The following OCRL variants were observed in gnomAD, a reference collection of about 807,000 sequenced individuals.
OCRL encodes the protein inositol polyphosphate 5-phosphatase OCRL.
Under a neutral mutation model 78.9 loss-of-function variants are expected in OCRL, and 8 were observed. The ratio of observed to expected loss-of-function variants is 0.10; its 90% confidence interval spans 0.06 to 0.18. OCRL has a LOEUF of 0.18. Ranked by LOEUF, OCRL falls within the 10% of genes least tolerant of loss-of-function variation. The pLI is 1.00. For synonymous variants in OCRL, 240 were observed against 235.4 expected (o/e 1.02, Z -0.18); for missense variants, 454 against 696.7 (o/e 0.65, Z 3.92).
chrX:129,582,988 A>G (rs775732921), intron 18 of OCRL, among the ~76,000 whole-genome samples: 18 of 112,055 alleles, frequency 1.6e-4, no homozygotes, highest in Middle Eastern at 4.6e-3. Context: ...GTCCATAGTC[A>G]GATTCGAAAC....
intron 18 of OCRL, among the ~76,000 whole-genome samples, chrX:129,578,451 T>TG (rs1364681259): frequency 9.2e-6 from 1 of 109,282 alleles, no homozygotes; most frequent in African/African-American, 3.3e-5. Context: ...CTTCTTGTTT[T>TG]TTTTTTTTTT....
chrX:129,548,685 C>T (rs1935922324), intron 4 of OCRL, 84 bp downstream of exon 4: 1 of 831,584 alleles, frequency 1.2e-6, no homozygotes, highest in Non-Finnish European at 1.8e-6. Context: ...CCTTTTGGGG[C>T]ACATTTTTTA....
chrX:129,543,910 A>G (rs1935842959), intron 2 of OCRL, among the ~76,000 whole-genome samples: 4 of 112,264 alleles, frequency 3.6e-5, no homozygotes, highest in Admixed American at 9.5e-5. Flanking sequence ...AAAACTGAAT[A>G]TGATCTGGTC....
At chrX:129,556,506 G>A (rs968769144) in intron 4 of OCRL, among the ~76,000 whole-genome samples, 27 of 111,898 alleles carry the variant, frequency 2.4e-4, no homozygotes, top group African/African-American at 7.5e-4. Flanking sequence ...AGAAAACAAC[G>A]TATGTAATAA....
chrX:129,544,422 T>C (rs1392395842), intron 2 of OCRL, among the ~76,000 whole-genome samples: 1 of 111,627 alleles, frequency 9.0e-6, no homozygotes, highest in Non-Finnish European at 1.9e-5. Context: ...TCCAGCTGGC[T>C]GAGCACCCCC....
intron 4 of OCRL, among the ~76,000 whole-genome samples, chrX:129,549,292 G>A: frequency 8.9e-6 from 1 of 111,848 alleles, no homozygotes; most frequent in South Asian, 3.7e-4. Context: ...ATGGAGTGGA[G>A]AAAATGGGCA....
intron 14 of OCRL, among the ~76,000 whole-genome samples, chrX:129,568,055 A>C (rs1343002146): frequency 9.1e-6 from 1 of 110,337 alleles, no homozygotes; most frequent in Non-Finnish European, 1.9e-5. Flanking sequence ...CTGGGACTAC[A>C]GGCGCCCGCC....
intron 18 of OCRL, among the ~76,000 whole-genome samples, chrX:129,579,339 T>C (rs1445518075): frequency 9.0e-6 from 1 of 111,700 alleles, no homozygotes; most frequent in African/African-American, 3.3e-5. Context: ...ATGTTTTTTT[T>C]CCCCAAGACC....
At chrX:129,575,597 A>C in intron 16 of OCRL, 2 of 393,427 alleles carry the variant, frequency 5.1e-6, no homozygotes, top group Non-Finnish European at 4.4e-6. Context: ...ATATCTCAGA[A>C]ACCAGGACTT....
chrX:129,540,447 C>T lies in OCRL; in HGVS notation c.8C>T (p.Pro3Leu). The T allele has an allele frequency of 1.7e-6, 2 of 1,154,376 alleles. No homozygotes were observed. The highest frequency in any genetic ancestry group is 1.1e-6 in the Non-Finnish European group (1 of 871,008). The change falls in exon 1 of 24, where the codon CCG (proline) becomes CTG (leucine). Residue 3 changes from proline (P) to leucine (L), a missense_variant. Transcript: ENST00000371113. The part of the protein sequence containing the change: ME[P>L]PLPVGAQPLA... ...AGCCCGGAGGCCGCCTGGATGGAGC[C>T]GCCGCTCCCGGTCGGAGCCCAGCCG... is the stretch of plus-strand genomic sequence containing the variant.
chrX:129,574,406 T>G (rs1476301589), intron 15 of OCRL, among the ~76,000 whole-genome samples: 1 of 112,550 alleles, frequency 8.9e-6, no homozygotes, highest in Non-Finnish European at 1.9e-5. Context: ...AGGTGGAAAA[T>G]TTTTTTATCA....
Position 129,545,002 on chromosome X carries a change from T to C in OCRL, c.164T>C (p.Ile55Thr), listed in dbSNP as rs1278754966. The C allele has an allele frequency of 1.0e-5, 12 of 1,152,158 alleles. No homozygotes were observed. The highest frequency in any genetic ancestry group is 3.6e-5 in the African/African-American group (2 of 56,205). 95.0% of individuals were successfully genotyped at this position (1,152,158 alleles called of 1,213,427 possible). A position where few individuals can be genotyped will look rare whatever the true frequency, so the allele number is the denominator to read the frequency against. The change falls in exon 3 of 24, where the codon ATC (isoleucine) becomes ACC (threonine). Residue 55 changes from isoleucine (I) to threonine (T), a missense_variant. Transcript: ENST00000371113. ...GAGAAGGAACAGCATGTTCAAGATA[T>C]CATTCCTATAAATAGCCACTTCAGA... is the stretch of plus-strand genomic sequence containing the variant. Reference protein sequence around the residue: ...LHEKEQHVQDIIPINSHFRCV... With the variant: ...LHEKEQHVQDTIPINSHFRCV...
At chrX:129,589,726 C>T (rs1936562705) in intron 22 of OCRL, 119 bp from the exon 23 acceptor site, 1 of 531,757 alleles carries the variant, frequency 1.9e-6, no homozygotes, top group Non-Finnish European at 3.4e-6. Flanking sequence ...AGAAGTTAGA[C>T]AGATGAAATG....
At chrX:129,562,916 G>A (rs1936165135) in intron 12 of OCRL, 130 bp downstream of exon 12, 1 of 602,737 alleles carries the variant, frequency 1.7e-6, no homozygotes, top group Non-Finnish European at 2.6e-6. Flanking sequence ...GGGTCACAAA[G>A]GAGAGGGTTT....
chrX:129,570,998 A>T (rs1936291851), intron 15 of OCRL, among the ~76,000 whole-genome samples: 1 of 112,482 alleles, frequency 8.9e-6, no homozygotes, highest in African/African-American at 3.2e-5. Context: ...AGATGAGCAG[A>T]TGGAGAACAG....
chrX:129,564,879 T>G (rs1936196463), intron 12 of OCRL, among the ~76,000 whole-genome samples: 1 of 110,912 alleles, frequency 9.0e-6, no homozygotes, highest in Admixed American at 9.5e-5. Flanking sequence ...TAAAATAAAA[T>G]TTAAAAAATT....
chrX:129,540,310 G>T lies in OCRL; in HGVS notation c.-130G>T, dbSNP rs75663098. 7 of 725,497 alleles carry T rather than the reference G, an allele frequency of 9.6e-6. No homozygotes were observed. The highest frequency in any genetic ancestry group is 1.4e-5 in the Non-Finnish European group (7 of 488,601). 59.8% of individuals were successfully genotyped at this position (725,497 alleles called of 1,213,427 possible). ...CAGCTCCCCGCTCCCGGCTCCCGGC[G>T]CCCGGCGCCCGGCGCGGAGCTGTTC... On this transcript the variant is annotated 5_prime_UTR_variant, in exon 1 of 24. Transcript: ENST00000371113.
chrX:129,577,052 A>T (rs1174667102), intron 18 of OCRL, among the ~76,000 whole-genome samples: 2 of 111,299 alleles, frequency 1.8e-5, no homozygotes, highest in African/African-American at 3.3e-5. Flanking sequence ...CATTATATCT[A>T]ATCAGAGTAA....
At chrX:129,563,495 C>T (rs1205793853) in intron 12 of OCRL, among the ~76,000 whole-genome samples, 3 of 111,636 alleles carry the variant, frequency 2.7e-5, no homozygotes, top group Non-Finnish European at 5.6e-5. Context: ...TAGCACTATT[C>T]TAGCCTTTTG....
Sources: allele counts gnomAD v4.1 joint callset (sites outside exome capture counted in the v4.1 genomes callset), GRCh38; gene constraint gnomAD v4.1.1; transcripts MANE v1.5; gene names NCBI Gene and HGNC (gene_info 2026-07-23, HGNC 2026-07-21).